Variants in MICOS10 observed in about 807,000 individuals in gnomAD.
MICOS10 encodes the protein mitochondrial contact site and cristae organizing system subunit 10.
Under a neutral mutation model 13.4 loss-of-function variants are expected in MICOS10, and 5 were observed. The observed-to-expected ratio is 0.37, with a 90% CI of 0.20 to 0.78. The LOEUF is 0.78. Ranked by LOEUF, MICOS10 falls within the 30% of genes least tolerant of loss-of-function variation. The pLI, the probability that MICOS10 is intolerant of heterozygous loss-of-function variation, is 0.47. For synonymous variants in MICOS10, 35 were observed against 33.6 expected (o/e 1.04, Z -0.15); for missense variants, 101 against 94.6 (o/e 1.07, Z -0.28).
intron 1 of MICOS10, among the ~76,000 whole-genome samples, chr1:19,598,779 A>G (rs528692006): frequency 1.3e-5 from 2 of 152,342 alleles, no homozygotes; most frequent in East Asian, 3.9e-4. Context: ...ACCTGAAAGT[A>G]TTAAAAAAAG....
At chr1:19,612,586 G>C (rs914860655) in intron 1 of MICOS10, among the ~76,000 whole-genome samples, 6 of 151,990 alleles carry the variant, frequency 3.9e-5, no homozygotes, top group Non-Finnish European at 4.4e-5. Flanking sequence ...AACTGGGTGT[G>C]GGGGTATGTG....
At chr1:19,611,216 C>A (rs1199810129) in intron 1 of MICOS10, among the ~76,000 whole-genome samples, 1 of 151,980 alleles carries the variant, frequency 6.6e-6, no homozygotes, top group Admixed American at 6.6e-5. Context: ...CTTCCCAAAG[C>A]GCTGGGATTA....
Position 19,597,100 on chromosome 1 carries a change from G to A in MICOS10, c.55G>A (p.Val19Met). ...GGACCGGTGTCTGGCGGATGCGGTC[G>A]TGAAGATAGGTAAGGGGCTTTTCGC... ...KWDRCLADAV[V>M]KIGTGFGLGI... The change falls in exon 1 of 4, where the codon GTG (valine) becomes ATG (methionine). Residue 19 changes from valine to methionine, a missense_variant. Transcript: ENST00000322753. 6.2e-7 allele frequency: 1 copy of A among 1,601,108 alleles called. No individual in the cohort carries two copies. The highest frequency in any genetic ancestry group is 8.5e-7 in the Non-Finnish European group (1 of 1,174,542).
chr1:19,621,274 C>G (rs1051115166), intron 1 of MICOS10, among the ~76,000 whole-genome samples: 2 of 152,168 alleles, frequency 1.3e-5, no homozygotes, highest in Non-Finnish European at 2.9e-5. Context: ...TAGGATTGGT[C>G]TGGGAATGAA....
At chr1:19,608,557 C>T (rs748605199) in intron 1 of MICOS10, 7 of 915,178 alleles carry the variant, frequency 7.6e-6, no homozygotes, top group Admixed American at 5.2e-5. Context: ...TCACCGTGGT[C>T]GCCGTCTGTG....
intron 1 of MICOS10, among the ~76,000 whole-genome samples, chr1:19,615,382 A>C (rs957066380): frequency 1.3e-5 from 2 of 151,752 alleles, no homozygotes; most frequent in Admixed American, 1.3e-4. Context: ...ACTATTCCCC[A>C]GTTGCAGAAA....
chr1:19,611,855 C>T (rs2094863354), intron 1 of MICOS10, among the ~76,000 whole-genome samples: 1 of 149,468 alleles, frequency 6.7e-6, no homozygotes. Context: ...GCCTGTAGTC[C>T]CAGCTATTTG....
intron 1 of MICOS10, chr1:19,601,155 A>G: frequency 2.3e-6 from 1 of 433,708 alleles, no homozygotes; most frequent in South Asian, 1.9e-5. Flanking sequence ...GTCCTTTAAA[A>G]AAGTAATCTT....
intron 1 of MICOS10, chr1:19,608,668 A>G (rs1407203489): frequency 3.3e-6 from 2 of 611,168 alleles, no homozygotes; most frequent in Non-Finnish European, 5.8e-6. Context: ...GTGACCTTGG[A>G]GTCAGAAAAG....
At position 19,601,044 on chromosome 1, in the gene MICOS10, C is replaced by T. The variant is rs1325568827; in HGVS notation, c.64+3935C>T. 3 of 1,274,148 alleles carry T rather than the reference C, an allele frequency of 2.4e-6. No homozygotes were observed. The African/African-American group carries it at 4.6e-5, about 19-fold the overall frequency. 78.9% of individuals were successfully genotyped at this position (1,274,148 alleles called of 1,614,324 possible). ...CCAGGGTTCACCAGGGTTATTTTCCCACCTGTTTGCTGTACGATGACTATT... is the reference window on the plus strand; with the variant it reads ...CCAGGGTTCACCAGGGTTATTTTCCTACCTGTTTGCTGTACGATGACTATT... On this transcript the variant is annotated intron_variant, in intron 1 of 3. Transcript: ENST00000322753.
At position 19,626,319 on chromosome 1, in the gene MICOS10, A is replaced by C. The variant is rs905964836; in HGVS notation, c.223-68A>C. On this transcript the variant is annotated intron_variant, in intron 3 of 3. Transcript: ENST00000322753. ...TCTGGCCCTTTGGGTCTGACCTGAT[A>C]CAGCAATTAGAGAGGGTTGTCAGAA... 21 of 1,605,566 alleles carry C rather than the reference A, an allele frequency of 1.3e-5. No homozygotes were observed. In the Admixed American group the frequency reaches 3.5e-4, roughly 27 times the overall value.
At chr1:19,617,094 T>C (rs2094886997) in intron 1 of MICOS10, among the ~76,000 whole-genome samples, 2 of 152,256 alleles carry the variant, frequency 1.3e-5, no homozygotes, top group Admixed American at 6.5e-5. Context: ...TGTATGGCTG[T>C]CAGCATTCTG....
chr1:19,619,684 G>T (rs1248347388), intron 1 of MICOS10, among the ~76,000 whole-genome samples: 1 of 152,204 alleles, frequency 6.6e-6, no homozygotes, highest in Non-Finnish European at 1.5e-5. Flanking sequence ...CTCCTTCTTA[G>T]AAATGTGTGT....
In MICOS10 at chr1:19,626,430, A is replaced by G; in HGVS notation, c.*29A>G. 6.2e-7 allele frequency: 1 copy of G among 1,613,558 alleles called. No homozygotes were observed. Among genetic ancestry groups the G allele is most frequent in the South Asian group, 1.1e-5 (1 of 91,040 alleles). On this transcript the variant is annotated 3_prime_UTR_variant, in exon 4 of 4. Coordinates refer to ENST00000322753, the MANE Select transcript of MICOS10 (RefSeq NM_001032363.4). ...CACCTGAGAACATCCCAGCGGGAGGACAAGAGAAATCATGTTTATTCCTCA... is the reference window on the plus strand; with the variant it reads ...CACCTGAGAACATCCCAGCGGGAGGGCAAGAGAAATCATGTTTATTCCTCA...
At chr1:19,612,545 G>C (rs961852114) in intron 1 of MICOS10, among the ~76,000 whole-genome samples, 1 of 151,668 alleles carries the variant, frequency 6.6e-6, no homozygotes, top group African/African-American at 2.4e-5. Flanking sequence ...CAACGTGGTG[G>C]AACCCCACCT....
At chr1:19,610,257 A>G (rs2094854419) in intron 1 of MICOS10, among the ~76,000 whole-genome samples, 1 of 151,960 alleles carries the variant, frequency 6.6e-6, no homozygotes, top group Non-Finnish European at 1.5e-5. Context: ...ATGAAAGGGA[A>G]AGAAAGGATA....
At chr1:19,622,198 G>A (rs372693602) in intron 2 of MICOS10, 51 bp downstream of exon 2, 66 of 1,460,860 alleles carry the variant, frequency 4.5e-5, no homozygotes, top group Non-Finnish European at 5.9e-5. Context: ...ATACATATAC[G>A]TAGCAGGGAC....
At chr1:19,612,942 A>G (rs1048483788) in intron 1 of MICOS10, among the ~76,000 whole-genome samples, 1 of 152,208 alleles carries the variant, frequency 6.6e-6, no homozygotes, top group African/African-American at 2.4e-5. Flanking sequence ...GCTTTTTAAT[A>G]TACTCTTTCC....
chr1:19,617,146 C>T (rs2094887214), intron 1 of MICOS10: 2 of 279,072 alleles, frequency 7.2e-6, no homozygotes, highest in Non-Finnish European at 1.1e-5. Flanking sequence ...TAAAAGGACC[C>T]CTTTTTGAGT....
Sources: gnomAD v4.1 joint callset for allele counts (sites outside exome capture counted in the v4.1 genomes callset) on GRCh38, gnomAD v4.1.1 for gene constraint, MANE v1.5 for transcripts, NCBI Gene and HGNC (gene_info 2026-07-23, HGNC 2026-07-21) for gene names.